Variants in GNAO1 observed in about 807,000 individuals in gnomAD.
GNAO1 encodes the protein G protein subunit alpha o1.
For missense variants in GNAO1, 166 were observed against 478.7 expected, an observed-to-expected ratio of 0.35 and a Z score of 6.10; for synonymous variants, 164 against 180.7, an observed-to-expected ratio of 0.91 and a Z score of 0.74.
chr16:56,277,734 A>G (rs1337983608), intron 3 of GNAO1, among the ~76,000 whole-genome samples: 1 of 148,012 alleles, frequency 6.8e-6, no homozygotes, highest in East Asian at 2.0e-4. Context: ...TGATATCTGA[A>G]TCTCAGCCAG....
chr16:56,278,192 G>T (rs149670783), intron 3 of GNAO1, among the ~76,000 whole-genome samples: 1 of 152,324 alleles, frequency 6.6e-6, no homozygotes, highest in Non-Finnish European at 1.5e-5. Context: ...GAGAGACTGA[G>T]AGCTAAGCGG....
At chr16:56,287,000 G>A (rs2143549013) in intron 3 of GNAO1, among the ~76,000 whole-genome samples, 1 of 152,324 alleles carries the variant, frequency 6.6e-6, no homozygotes, top group African/African-American at 2.4e-5. Flanking sequence ...GGGCCGGCCA[G>A]GCTGAGTCCA....
intron 3 of GNAO1, among the ~76,000 whole-genome samples, chr16:56,312,227 C>A (rs1468072939): frequency 1.3e-5 from 2 of 152,218 alleles, no homozygotes; most frequent in Admixed American, 6.5e-5. Context: ...CGTTCAATCC[C>A]AGCTCTACCA....
At chr16:56,220,503 C>A (rs1220542185) in intron 2 of GNAO1, among the ~76,000 whole-genome samples, 2 of 152,246 alleles carry the variant, frequency 1.3e-5, no homozygotes, top group South Asian at 2.1e-4. Flanking sequence ...GGGTCACAAA[C>A]CCCTATGAGA....
intron 2 of GNAO1, among the ~76,000 whole-genome samples, chr16:56,217,926 A>G (rs1490663096): frequency 6.6e-6 from 1 of 152,238 alleles, no homozygotes; most frequent in Non-Finnish European, 1.5e-5. Flanking sequence ...ACAGCAATGC[A>G]TGGTAAAGTC....
At chr16:56,233,644 A>G (rs1049347147) in intron 2 of GNAO1, among the ~76,000 whole-genome samples, 3 of 152,210 alleles carry the variant, frequency 2.0e-5, no homozygotes, top group South Asian at 2.1e-4. Flanking sequence ...GTGGATTTCT[A>G]TTCCTGGTTA....
At chr16:56,211,094 T>C (rs2036382444) in intron 2 of GNAO1, among the ~76,000 whole-genome samples, 1 of 152,210 alleles carries the variant, frequency 6.6e-6, no homozygotes, top group African/African-American at 2.4e-5. Context: ...GTGGTCCTAT[T>C]TCTGCTGACT....
chr16:56,269,527 A>G (rs1316103718), intron 2 of GNAO1, among the ~76,000 whole-genome samples: 1 of 152,176 alleles, frequency 6.6e-6, no homozygotes, highest in Non-Finnish European at 1.5e-5. Context: ...GATCCTAACC[A>G]TGAACCAGCT....
chr16:56,216,199 A>G (rs942373854), intron 2 of GNAO1, among the ~76,000 whole-genome samples: 1 of 152,222 alleles, frequency 6.6e-6, no homozygotes, highest in South Asian at 2.1e-4. Context: ...AAAATCCACT[A>G]AAATGTACAT....
At chr16:56,353,089 C>G (rs1021674564) in intron 7 of GNAO1, 1 of 152,476 alleles carries the variant, frequency 6.6e-6, no homozygotes, top group Non-Finnish European at 1.5e-5. Context: ...GAGAAGGTGC[C>G]CTCTGCAGGA....
At chr16:56,268,448 C>T (rs751592431) in intron 2 of GNAO1, among the ~76,000 whole-genome samples, 2 of 152,210 alleles carry the variant, frequency 1.3e-5, no homozygotes, top group African/African-American at 2.4e-5. Context: ...CCAAATGTGT[C>T]ACTCCAGGAG....
chr16:56,261,107 T>C (rs2036899779), intron 2 of GNAO1, among the ~76,000 whole-genome samples: 1 of 152,180 alleles, frequency 6.6e-6, no homozygotes, highest in Non-Finnish European at 1.5e-5. Context: ...GCCGTTTCAT[T>C]TGAGGAGACA....
At chr16:56,230,977 C>T (rs1160558824) in intron 2 of GNAO1, among the ~76,000 whole-genome samples, 2 of 152,122 alleles carry the variant, frequency 1.3e-5, no homozygotes, top group Non-Finnish European at 2.9e-5. Context: ...GGGTGTCTGT[C>T]CCTGTCAGGA....
Position 56,311,606 on chromosome 16 carries a change from G to A in GNAO1, c.304-17025G>A, listed in dbSNP as rs577815865. Among the ~76,000 whole-genome samples, 60 of 152,262 alleles carry A rather than the reference G, an allele frequency of 3.9e-4. No homozygotes were observed. The highest frequency in any genetic ancestry group is 3.4e-3 in the Middle Eastern group (1 of 294). On this transcript the variant is annotated intron_variant, in intron 3 of 8. Transcript: ENST00000262493. The surrounding 1 kb of genome is among the most constrained non-coding windows in gnomAD (Gnocchi z 5.2). ...TGGCCCTGCGCTGAACTGAGAACCCGAGGAGCGCGTCCCCTCCCTCCTCCC... is the reference window on the plus strand; with the variant it reads ...TGGCCCTGCGCTGAACTGAGAACCCAAGGAGCGCGTCCCCTCCCTCCTCCC...
intron 6 of GNAO1, among the ~76,000 whole-genome samples, chr16:56,341,571 A>T (rs1200484592): frequency 6.6e-6 from 1 of 152,190 alleles, no homozygotes; most frequent in Non-Finnish European, 1.5e-5. Flanking sequence ...TTATGCCTGT[A>T]ACTCACACGG....
intron 2 of GNAO1, among the ~76,000 whole-genome samples, chr16:56,221,002 T>C (rs1273864136): frequency 1.3e-5 from 2 of 152,084 alleles, no homozygotes; most frequent in African/African-American, 4.8e-5. Flanking sequence ...TGCCTTGGCC[T>C]CCCAAAGTGC....
At chr16:56,252,874 C>T (rs1014821861) in intron 2 of GNAO1, among the ~76,000 whole-genome samples, 11 of 152,212 alleles carry the variant, frequency 7.2e-5, no homozygotes, top group Admixed American at 5.2e-4. Context: ...CTGTCCCCCC[C>T]ACCAACCCCA....
intron 6 of GNAO1, among the ~76,000 whole-genome samples, chr16:56,349,231 C>T (rs189659390): frequency 6.6e-6 from 1 of 152,338 alleles, no homozygotes; most frequent in Admixed American, 6.5e-5. Context: ...GCTCAGGTCA[C>T]TCTAGTGGCT....
chr16:56,209,030 T>G (rs559601010), intron 2 of GNAO1, among the ~76,000 whole-genome samples: 8 of 152,356 alleles, frequency 5.3e-5, no homozygotes, highest in African/African-American at 1.4e-4. Flanking sequence ...AGTGTTTTTT[T>G]TGTGTGTGTC....
Sources: allele counts gnomAD v4.1 joint callset (sites outside exome capture counted in the v4.1 genomes callset), GRCh38; gene constraint gnomAD v4.1.1; non-coding constraint Gnocchi (gnomAD v3.1); transcripts MANE v1.5; gene names NCBI Gene and HGNC (gene_info 2026-07-23, HGNC 2026-07-21).